INPP5J: variants seen among roughly 807,000 people sequenced by gnomAD.
INPP5J encodes the protein inositol polyphosphate-5-phosphatase J.
A neutral mutation model predicts 86.6 loss-of-function variants in INPP5J; 75 were observed. The ratio of observed to expected loss-of-function variants is 0.87; its 90% CI spans 0.72 to 1.05. The LOEUF (loss-of-function observed/expected upper bound fraction) is 1.05, where lower values mean the gene tolerates loss of function less well. Among genes scored for constraint, INPP5J ranks in the 50% least tolerant of loss-of-function variants. INPP5J has a pLI of 0.00. For missense variants in INPP5J, 1,229 were observed against 1,341.2 expected (o/e 0.92, Z 1.31); for synonymous variants, 540 against 550.0 (o/e 0.98, Z 0.25).
Position 31,125,914 on chromosome 22 carries a change from A to G in INPP5J, c.1175A>G (p.Glu392Gly). The G allele has an allele frequency of 6.2e-7, 1 of 1,613,606 alleles. No homozygotes were observed. Among genetic ancestry groups the G allele is most frequent in the Non-Finnish European group, 8.5e-7 (1 of 1,179,730 alleles). ...CTGAGCCCCAACCTTCAGGCCCAAG[A>G]AGCCCCAGCCCCAGTCACCACCTCC... is the stretch of plus-strand genomic sequence containing the variant. ...RCLSPNLQAQ[E>G]APAPVTTSSS... The change falls in exon 2 of 13, where the codon GAA becomes GGA. Residue 392 changes from glutamate to glycine, a missense_variant. Physicochemically the swap from Glu to Gly is moderately conservative, Grantham distance 98. Coordinates refer to ENST00000331075, the MANE Select transcript of INPP5J (RefSeq NM_001284285.2).
Position 31,125,547 on chromosome 22 carries a change from C to T in INPP5J, c.808C>T (p.Gln270Ter). 2 of 1,550,526 alleles carry T rather than the reference C, an allele frequency of 1.3e-6. No homozygotes were observed. Among genetic ancestry groups the T allele is most frequent in the Non-Finnish European group, 8.7e-7 (1 of 1,146,968 alleles). The change falls in exon 2 of 13, where the codon CAA becomes TAA. Residue 270 changes from glutamine to a stop codon, truncating the protein, a stop_gained. Coordinates refer to ENST00000331075, the MANE Select transcript of INPP5J (RefSeq NM_001284285.2). LOFTEE classifies it high-confidence loss of function. ...TCCTACAGGCTCCCCACCCTGCATCCAAACCTCCCCAGACCCTCGGCTCTC... is the reference window on the plus strand; with the variant it reads ...TCCTACAGGCTCCCCACCCTGCATCTAAACCTCCCCAGACCCTCGGCTCTC... ...SGPTGSPPCI[Q>*]TSPDPRLSPS...
chr22:31,127,763 C>T, intron 6 of INPP5J, 188 bp from the exon 7 acceptor site: 1 of 643,078 alleles, frequency 1.6e-6, no homozygotes, highest in Non-Finnish European at 2.7e-6. Context: ...ACCTAATTTC[C>T]TGTAGACCGG....
In INPP5J at chr22:31,123,023, C is replaced by G; in HGVS notation, c.9C>G (p.Gly3=). The change falls in exon 1 of 13, where the codon GGC becomes GGG. Residue 3 remains glycine, a synonymous_variant. Transcript: ENST00000331075. The part of the protein sequence containing the change: ME[G]QSSRGSRRPG... ...TGCCGGGGGCTGCAGACATGGAGGG[C>G]CAGAGCAGCAGGGGCAGCAGGAGGC... The G allele has an allele frequency of 6.9e-7, 1 of 1,459,606 alleles. No individual in the cohort carries two copies. Among genetic ancestry groups the G allele is most frequent in the East Asian group, 3.0e-5 (1 of 33,876 alleles). The allele number at this position is 1,459,606 out of a possible 1,614,324, so 90.4% of individuals were successfully genotyped here. A position where few individuals can be genotyped will look rare whatever the true frequency, so the allele number is the denominator to read the frequency against.
At chr22:31,133,005 G>C in intron 9 of INPP5J, 93 bp from the exon 10 acceptor site, 1 of 1,502,598 alleles carries the variant, frequency 6.7e-7, no homozygotes, top group Non-Finnish European at 9.0e-7. Flanking sequence ...CTTTGTCTCA[G>C]GCAATTTGTG....
chr22:31,126,078 G>A (rs7284757), intron 2 of INPP5J, 68 bp downstream of exon 2: 475,511 of 1,376,208 alleles, frequency 0.35, 89,026 homozygotes, highest in South Asian at 0.41. Flanking sequence ...CTTCCAGGGT[G>A]GATGGTGTGC....
In INPP5J at chr22:31,127,057, C is replaced by T; in HGVS notation, c.1611+20C>T. On this transcript the variant is annotated intron_variant, in intron 5 of 12. Coordinates refer to ENST00000331075, the MANE Select transcript of INPP5J (RefSeq NM_001284285.2). Reference sequence around the variant, plus strand: ...TACTGGGTGAGCCTGTGAGCAGGCCCAGAAGAGGATGGGACATGAAGGGGG... The same window carrying T: ...TACTGGGTGAGCCTGTGAGCAGGCCTAGAAGAGGATGGGACATGAAGGGGG... The T allele has an allele frequency of 2.0e-6, 3 of 1,515,114 alleles. No individual in the cohort carries two copies. Among genetic ancestry groups the T allele is most frequent in the Non-Finnish European group, 1.8e-6 (2 of 1,106,620 alleles). The allele number at this position is 1,515,114 out of a possible 1,614,324, so 93.9% of individuals were successfully genotyped here. A position where few individuals can be genotyped will look rare whatever the true frequency, so the allele number is the denominator to read the frequency against.
At position 31,133,427 on chromosome 22, in the gene INPP5J, G is replaced by A. The variant is rs1159091326; in HGVS notation, c.2353G>A (p.Asp785Asn). ...CCAGGTGGGTTTCCGCCATTGCAAG[G>A]ACTATGTGGCTTATGTCTGGGCCAA... ...LYRVGFRHCKDYVAYVWAKHE... is the reference protein window; with the variant it reads ...LYRVGFRHCKNYVAYVWAKHE... The change falls in exon 11 of 13, where the codon GAC becomes AAC. Residue 785 changes from aspartate to asparagine, a missense_variant. Transcript: ENST00000331075. 1.2e-5 allele frequency: 20 copies of A among 1,613,772 alleles called. No homozygotes were observed. The highest frequency in any genetic ancestry group is 1.6e-5 in the Non-Finnish European group (19 of 1,179,860).
At chr22:31,128,379 G>C in intron 8 of INPP5J, 56 bp downstream of exon 8, 1 of 1,566,626 alleles carries the variant, frequency 6.4e-7, no homozygotes, top group Non-Finnish European at 8.7e-7. Context: ...TTCTCGAACA[G>C]GGAGACTTTG....
Position 31,126,737 on chromosome 22 carries a change from C to T in INPP5J, c.1494+16C>T, listed in dbSNP as rs938043498. Reference sequence around the variant, plus strand: ...CTTCGTGCTGGTAACGCACCCCTCACCCCCTGGACAGCCAGAGACCCTGCT... The same window carrying T: ...CTTCGTGCTGGTAACGCACCCCTCATCCCCTGGACAGCCAGAGACCCTGCT... On this transcript the variant is annotated intron_variant, in intron 4 of 12. Coordinates refer to ENST00000331075, the MANE Select transcript of INPP5J (RefSeq NM_001284285.2). 6.3e-7 allele frequency: 1 copy of T among 1,594,710 alleles called. No homozygotes were observed. The highest frequency in any genetic ancestry group is 8.6e-7 in the Non-Finnish European group (1 of 1,162,394).
In INPP5J at chr22:31,134,249, C is replaced by T; in HGVS notation, c.2851C>T (p.Pro951Ser). 6.4e-7 allele frequency: 1 copy of T among 1,550,872 alleles called. No individual in the cohort carries two copies. The highest frequency in any genetic ancestry group is 1.2e-5 in the South Asian group (1 of 83,962). ...PSGLPGPWAF[P>S]PAVPRSLGLL... ...TGGGTTGCCTGGCCCCTGGGCCTTC[C>T]CACCAGCTGTGCCTCGAAGCCTGGG... Residue 951 changes from proline to serine, a missense_variant, in exon 13 of 13, where the codon CCA (proline) becomes TCA (serine). Physicochemically the swap from Pro to Ser is moderately conservative, Grantham distance 74 (BLOSUM62 -1). Coordinates refer to ENST00000331075, the MANE Select transcript of INPP5J (RefSeq NM_001284285.2).
At chr22:31,126,893 C>A (rs776181059) in intron 4 of INPP5J, 28 bp from the exon 5 acceptor site, 27 of 1,545,214 alleles carry the variant, frequency 1.7e-5, no homozygotes, top group Middle Eastern at 1.7e-4. Context: ...TGTGTTCTGT[C>A]CCCCAGCCAC....
chr22:31,126,705 C>G lies in INPP5J; in HGVS notation c.1478C>G (p.Pro493Arg), dbSNP rs780003722. 3 of 1,613,378 alleles carry G rather than the reference C, an allele frequency of 1.9e-6. No homozygotes were observed. The African/African-American group carries it at 4.0e-5, about 22-fold the overall frequency. Residue 493 changes from proline (P) to arginine (R), a missense_variant, in exon 4 of 13, where the codon CCC becomes CGC. Pro to Arg is a moderately radical substitution (Grantham distance 103, BLOSUM62 -2). Coordinates refer to ENST00000331075, the MANE Select transcript of INPP5J (RefSeq NM_001284285.2). ...WSELFMDALG[P>R]FNFVLVSSVR... ...GAGCTGTTCATGGATGCGCTAGGGCCCTTCAACTTCGTGCTGGTAACGCAC... is the reference window on the plus strand; with the variant it reads ...GAGCTGTTCATGGATGCGCTAGGGCGCTTCAACTTCGTGCTGGTAACGCAC...
At chr22:31,123,243 G>A (rs951626878) in intron 1 of INPP5J, 124 bp downstream of exon 1, 30 of 598,850 alleles carry the variant, frequency 5.0e-5, no homozygotes, top group Non-Finnish European at 6.6e-5. Context: ...TCTGCTCAGC[G>A]AGCAGGGGCT....
In INPP5J at chr22:31,124,837, T is replaced by C. The variant is rs1488178849; in HGVS notation, c.106-8T>C. ...GTCACTCTGAATCTTTGACTTGTCC[T>C]CCACAAGGTGGACTCAAGTTTTCAG... On this transcript the variant is annotated splice_polypyrimidine_tract_variant and splice_region_variant and intron_variant, in intron 1 of 12. Transcript: ENST00000331075. 1 of 1,603,422 alleles carries C rather than the reference T, an allele frequency of 6.2e-7. No individual in the cohort carries two copies. Among genetic ancestry groups the C allele is most frequent in the African/African-American group, 1.3e-5 (1 of 74,670 alleles).
intron 1 of INPP5J, 91 bp from the exon 2 acceptor site, chr22:31,124,754 A>AGGAAAG (rs1921189317): frequency 9.2e-7 from 1 of 1,085,032 alleles, no homozygotes; most frequent in Non-Finnish European, 1.3e-6. Context: ...TGCCTTTCTT[A>AGGAAAG]GCTAGATGAA....
chr22:31,125,714 C>T lies in INPP5J; in HGVS notation c.975C>T (p.Pro325=), dbSNP rs1366221387. The change falls in exon 2 of 13, where the codon CCC becomes CCT. Residue 325 remains proline (P), a synonymous_variant. Coordinates refer to ENST00000331075, the MANE Select transcript of INPP5J (RefSeq NM_001284285.2). Reference sequence around the variant, plus strand: ...CTCACTCCCCTGGACTTCTGTCCCCCACCTTCCGGCCTGGGGCCCCCTCAG... The same window carrying T: ...CTCACTCCCCTGGACTTCTGTCCCCTACCTTCCGGCCTGGGGCCCCCTCAG... ...PGTHSPGLLS[P]TFRPGAPSGQ... is the part of the protein sequence containing the mutation. The T allele has an allele frequency of 6.4e-7, 1 of 1,551,090 alleles. No individual in the cohort carries two copies. The highest frequency in any genetic ancestry group is 1.4e-5 in the African/African-American group (1 of 73,154).
Position 31,134,123 on chromosome 22 carries a change from G to A in INPP5J, c.2725G>A (p.Ala909Thr). Residue 909 changes from alanine (A) to threonine (T), a missense_variant, in exon 13 of 13, where the codon GCC becomes ACC. By Grantham distance (58) the Ala-to-Thr change is moderately conservative. Transcript: ENST00000331075. ...LRPSSRERRG[A>T]SRSPSPQSRR... ...GCCCTCATCCCGTGAACGCCGTGGT[G>A]CCAGCCGTAGCCCCTCACCCCAGAG... 5 of 1,550,590 alleles carry A rather than the reference G, an allele frequency of 3.2e-6. No homozygotes were observed. Among genetic ancestry groups the A allele is most frequent in the Non-Finnish European group, 4.4e-6 (5 of 1,147,048 alleles).
intron 1 of INPP5J, chr22:31,124,171 G>A (rs1203260085): frequency 2.7e-5 from 19 of 707,782 alleles, no homozygotes; most frequent in Non-Finnish European, 2.9e-5. Context: ...GGGCAGAGAG[G>A]TACTTGCCTA....
intron 12 of INPP5J, 83 bp from the exon 13 acceptor site, chr22:31,133,830 A>G (rs969267178): frequency 2.0e-4 from 317 of 1,590,900 alleles, no homozygotes; most frequent in Middle Eastern, 1.7e-4. Context: ...AGATCTGCCA[A>G]CGAGAGAGGC....
Sources: allele counts gnomAD v4.1 joint callset, GRCh38; gene constraint gnomAD v4.1.1; transcripts MANE v1.5; gene names NCBI Gene and HGNC (gene_info 2026-07-23, HGNC 2026-07-21).